Variants in GAS2 observed in about 807,000 individuals in gnomAD.
The protein encoded by GAS2 is growth arrest-specific protein 2.
Under a neutral mutation model 37.5 loss-of-function variants are expected in GAS2, and 20 were observed. The observed-to-expected ratio is 0.53, with a 90% CI of 0.37 to 0.77. GAS2 has a LOEUF of 0.77. Ranked by LOEUF, GAS2 falls within the 30% of genes least tolerant of loss-of-function variation. The probability of loss-of-function intolerance (pLI) is 0.00; values close to 1 mark genes in which losing one functional copy is unlikely to be tolerated. For synonymous variants in GAS2, 144 were observed against 132.2 expected, an observed-to-expected ratio of 1.09 and a Z score of -0.61; for missense variants, 336 against 373.4, an observed-to-expected ratio of 0.90 and a Z score of 0.82.
chr11:22,627,456 A>G (rs1033112819), intron 1 of GAS2, among the ~76,000 whole-genome samples: 4 of 152,146 alleles, frequency 2.6e-5, no homozygotes, highest in Non-Finnish European at 2.9e-5. Context: ...GGGGATAGGA[A>G]GGTCTCTTTA....
At chr11:22,703,637 TTA>T (rs1447344075) in intron 3 of GAS2, among the ~76,000 whole-genome samples, 1 of 152,108 alleles carries the variant, frequency 6.6e-6, no homozygotes, top group Non-Finnish European at 1.5e-5. Context: ...CTCACCATAT[TTA>T]TGTGTGTGTG....
At chr11:22,740,264 C>G (rs1853001024) in intron 5 of GAS2, among the ~76,000 whole-genome samples, 1 of 152,096 alleles carries the variant, frequency 6.6e-6, no homozygotes, top group Non-Finnish European at 1.5e-5. Context: ...TGGGTTTGTT[C>G]CATTTCTGAC....
At chr11:22,658,092 C>G (rs1363882049) in intron 1 of GAS2, among the ~76,000 whole-genome samples, 1 of 151,050 alleles carries the variant, frequency 6.6e-6, no homozygotes, top group Non-Finnish European at 1.5e-5. Context: ...GTGACACGAT[C>G]TCAGCTCACT....
intron 3 of GAS2, among the ~76,000 whole-genome samples, chr11:22,701,374 G>T (rs1850832344): frequency 6.6e-6 from 1 of 152,214 alleles, no homozygotes; most frequent in African/African-American, 2.4e-5. Context: ...TTGGCTGTGG[G>T]TGTTAATGTG....
intron 1 of GAS2, among the ~76,000 whole-genome samples, chr11:22,631,305 T>C (rs867052624): frequency 6.6e-5 from 10 of 152,248 alleles, no homozygotes; most frequent in South Asian, 6.2e-4. Context: ...TTTTTTCCAA[T>C]TTGGGTACCC....
At chr11:22,662,434 A>G (rs1848925729), upstream of GAS2, among the ~76,000 whole-genome samples, 1 of 152,248 alleles carries the variant, frequency 6.6e-6, no homozygotes, top group South Asian at 2.1e-4. Flanking sequence ...AGCTTCTAAA[A>G]TAATCATTCA....
At chr11:22,657,489 G>T (rs183396121) in intron 1 of GAS2, among the ~76,000 whole-genome samples, 1 of 152,212 alleles carries the variant, frequency 6.6e-6, no homozygotes, top group African/African-American at 2.4e-5. Context: ...ACTAAGGGAA[G>T]TGGTTGGAGT....
intron 7 of GAS2, among the ~76,000 whole-genome samples, chr11:22,768,055 G>T (rs1854783662): frequency 6.6e-6 from 1 of 152,100 alleles, no homozygotes; most frequent in Non-Finnish European, 1.5e-5. Flanking sequence ...TCAACTTTTA[G>T]TTCACTGAAA....
intron 7 of GAS2, among the ~76,000 whole-genome samples, chr11:22,791,453 C>A (rs939237894): frequency 3.9e-5 from 6 of 151,904 alleles, no homozygotes; most frequent in African/African-American, 1.5e-4. Context: ...AGTTAATGGG[C>A]CAAAGATGGA....
chr11:22,749,244 A>C lies in GAS2; in HGVS notation c.598A>C (p.Asn200His). 1 of 1,611,854 alleles carries C rather than the reference A, an allele frequency of 6.2e-7. No individual in the cohort carries two copies. Among genetic ancestry groups the C allele is most frequent in the Non-Finnish European group, 8.5e-7 (1 of 1,178,900 alleles). ...GTCTTCTGGAAAAAAGAGTACAGGAAACTTACTGGATGATGCAGTAAGTAA... is the reference window on the plus strand; with the variant it reads ...GTCTTCTGGAAAAAAGAGTACAGGACACTTACTGGATGATGCAGTAAGTAA... ...SKSSGKKSTG[N>H]LLDDAVKRIS... is the part of the protein sequence containing the mutation. Residue 200 changes from asparagine (N) to histidine (H), a missense_variant, in exon 6 of 8, where the codon AAC becomes CAC. Coordinates refer to ENST00000454584, the MANE Select transcript of GAS2 (RefSeq NM_001143830.3).
intron 4 of GAS2, among the ~76,000 whole-genome samples, chr11:22,732,445 G>A (rs149741637): frequency 4.5e-4 from 68 of 151,762 alleles, no homozygotes; most frequent in African/African-American, 1.6e-3. Flanking sequence ...ATTCTTACTG[G>A]TGATTCTGAG....
At chr11:22,766,980 CGTT>C (rs1200540703) in intron 7 of GAS2, among the ~76,000 whole-genome samples, 2 of 152,090 alleles carry the variant, frequency 1.3e-5, no homozygotes, top group African/African-American at 2.4e-5. Flanking sequence ...AAACTGAAAA[CGTT>C]GGCATAGCAA....
chr11:22,748,123 T>TA (rs558536409), intron 5 of GAS2, among the ~76,000 whole-genome samples: 120 of 152,032 alleles, frequency 7.9e-4, no homozygotes, highest in African/African-American at 1.2e-3. Flanking sequence ...AATAGTAGAT[T>TA]AAAAAAAACA....
chr11:22,644,592 G>A (rs1355358921), intron 1 of GAS2, among the ~76,000 whole-genome samples: 3 of 152,082 alleles, frequency 2.0e-5, no homozygotes, highest in South Asian at 2.1e-4. Flanking sequence ...AAACAGATAC[G>A]TTGAGTGAAA....
chr11:22,773,668 T>C (rs1464482630), intron 7 of GAS2, among the ~76,000 whole-genome samples: 3 of 152,138 alleles, frequency 2.0e-5, no homozygotes, highest in African/African-American at 7.2e-5. Context: ...AGGGCTGGAA[T>C]TGGCACTCTC....
At chr11:22,783,244 T>G (rs1855655048) in intron 7 of GAS2, among the ~76,000 whole-genome samples, 1 of 152,234 alleles carries the variant, frequency 6.6e-6, no homozygotes, top group Non-Finnish European at 1.5e-5. Flanking sequence ...TGTCTTCTTT[T>G]GAGAGGTGTC....
intron 4 of GAS2, among the ~76,000 whole-genome samples, chr11:22,731,626 T>C (rs1364657121): frequency 1.3e-5 from 2 of 151,802 alleles, no homozygotes; most frequent in Non-Finnish European, 2.9e-5. Context: ...GTGTGGATTT[T>C]TAAATATTAG....
At chr11:22,720,728 A>G (rs148051373) in intron 3 of GAS2, among the ~76,000 whole-genome samples, 314 of 152,156 alleles carry the variant, frequency 2.1e-3, no homozygotes, top group African/African-American at 6.8e-3. Context: ...CTTCTGTTTT[A>G]TATCTCAAAT....
At chr11:22,756,289 C>CT (rs34579335) in intron 7 of GAS2, among the ~76,000 whole-genome samples, 4 of 151,510 alleles carry the variant, frequency 2.6e-5, no homozygotes, top group African/African-American at 9.7e-5. Context: ...ACCAATAATT[C>CT]TTTTTTTAAA....
Sources: gnomAD v4.1 joint callset for allele counts (sites outside exome capture counted in the v4.1 genomes callset) on GRCh38, gnomAD v4.1.1 for gene constraint, MANE v1.5 for transcripts, NCBI Gene and HGNC (gene_info 2026-07-23, HGNC 2026-07-21) for gene names.